MEGF6: variants seen among roughly 807,000 people sequenced by gnomAD.
MEGF6 encodes the protein multiple EGF like domains 6, also known as multiple epidermal growth factor-like domains protein 6.
In MEGF6, 184 loss-of-function variants were observed where a neutral mutation model predicts 207.1. The ratio of observed to expected loss-of-function variants is 0.89; its 90% CI spans 0.79 to 1.00. The LOEUF (loss-of-function observed/expected upper bound fraction) is 1.00, where lower values mean the gene tolerates loss of function less well. Among genes scored for constraint, MEGF6 ranks in the 50% least tolerant of loss-of-function variants. MEGF6 has a pLI of 0.00. For missense variants in MEGF6, 2,282 were observed against 2,202.9 expected (o/e 1.04, Z -0.72); for synonymous variants, 1,038 against 910.0 (o/e 1.14, Z -2.53).
At chr1:3,501,617 A>T (rs995701053) in intron 18 of MEGF6, among the ~76,000 whole-genome samples, 179 bp downstream of exon 18, 79 of 152,222 alleles carry the variant, frequency 5.2e-4, no homozygotes, top group African/African-American at 1.8e-3. Flanking sequence ...AGCCCCAGGA[A>T]CTTGGTGGGG....
chr1:3,543,070 A>G (rs1004257297), intron 4 of MEGF6, among the ~76,000 whole-genome samples: 5 of 152,208 alleles, frequency 3.3e-5, no homozygotes, highest in African/African-American at 9.6e-5. Context: ...CTGGGAGATG[A>G]GCCCACTCCG....
At chr1:3,511,715 T>C (rs1641352416) in intron 8 of MEGF6, 28 bp from the exon 9 acceptor site, 2 of 1,590,246 alleles carry the variant, frequency 1.3e-6, no homozygotes, top group Non-Finnish European at 1.7e-6. Flanking sequence ...ACCCAGGGTA[T>C]GGGATGGCGG....
At position 3,493,901 on chromosome 1, in the gene MEGF6, T is replaced by C. The variant is rs746788667; in HGVS notation, c.4259-2A>G. 3 of 1,589,294 alleles carry C rather than the reference T, an allele frequency of 1.9e-6. No homozygotes were observed. The highest frequency in any genetic ancestry group is 1.7e-6 in the Non-Finnish European group (2 of 1,168,404). ...CTCCAAATGAACCTGGCTCACACCC[T>C]GGTGGGGGCAGTGGGCTCAGTGTCC... On this transcript the variant is annotated splice_acceptor_variant, in intron 33 of 36. Transcript: ENST00000356575. LOFTEE classifies it high-confidence loss of function.
Position 3,493,861 on chromosome 1 carries a change from G to T in MEGF6, c.4297C>A (p.Arg1433Ser). 2 of 1,596,778 alleles carry T rather than the reference G, an allele frequency of 1.3e-6. No individual in the cohort carries two copies. Among genetic ancestry groups the T allele is most frequent in the Non-Finnish European group, 1.7e-6 (2 of 1,172,404 alleles). Residue 1433 changes from arginine to serine, a missense_variant, in exon 34 of 37, where the codon CGC becomes AGC. Transcript: ENST00000356575. ...GGTGCCCCCCCGTCACAGTCACAGC[G>T]CTGGTGGCAGCCCTCTCCAAATGAA... Reference protein sequence around the residue: ...PGSFGEGCHQRCDCDGGAPCD... With the variant: ...PGSFGEGCHQSCDCDGGAPCD...
At chr1:3,529,588 C>T (rs1426938335) in intron 4 of MEGF6, among the ~76,000 whole-genome samples, 13 of 152,236 alleles carry the variant, frequency 8.5e-5, no homozygotes. Context: ...CACAAGAGAA[C>T]TGTCAGCACA....
intron 4 of MEGF6, among the ~76,000 whole-genome samples, chr1:3,577,750 CCCAAGCAT>C (rs920481602): frequency 2.0e-5 from 3 of 152,198 alleles, no homozygotes; most frequent in African/African-American, 4.8e-5. Flanking sequence ...CCCCCAAGCA[CCCAAGCAT>C]GGGCATCTGA....
chr1:3,510,467 A>G (rs554627443), intron 10 of MEGF6, among the ~76,000 whole-genome samples: 41 of 148,310 alleles, frequency 2.8e-4, no homozygotes, highest in East Asian at 6.0e-4. Flanking sequence ...CAACACCCAC[A>G]GCCCTGCACG....
chr1:3,498,682 G>A lies in MEGF6; in HGVS notation c.3223+16C>T, dbSNP rs757430176. 1.3e-6 allele frequency: 2 copies of A among 1,547,348 alleles called. No individual in the cohort carries two copies. The highest frequency in any genetic ancestry group is 1.7e-6 in the Non-Finnish European group (2 of 1,147,016). On this transcript the variant is annotated intron_variant, in intron 25 of 36. Transcript: ENST00000356575. ...GCATGCTGGGGTATGTCCCTCCTCTGCCGCCCAGCGCTCACCCTTCTCACA... is the reference window on the plus strand; with the variant it reads ...GCATGCTGGGGTATGTCCCTCCTCTACCGCCCAGCGCTCACCCTTCTCACA...
chr1:3,503,162 C>G (rs1050184921), intron 17 of MEGF6, among the ~76,000 whole-genome samples: 2 of 152,122 alleles, frequency 1.3e-5, no homozygotes, highest in Admixed American at 1.3e-4. Context: ...CCCTGGTGAA[C>G]CCTTGTCACC....
At chr1:3,609,894 C>T (rs1393522520) in intron 1 of MEGF6, among the ~76,000 whole-genome samples, 1 of 152,224 alleles carries the variant, frequency 6.6e-6, no homozygotes, top group South Asian at 2.1e-4. Flanking sequence ...GGGACATCCA[C>T]CTCCGCCAAG....
At chr1:3,551,311 T>C (rs994819913) in intron 4 of MEGF6, among the ~76,000 whole-genome samples, 25 of 152,250 alleles carry the variant, frequency 1.6e-4, no homozygotes, top group African/African-American at 5.8e-4. Context: ...CCAGCATGAA[T>C]CACTCTGGGA....
At chr1:3,527,681 C>T (rs557964021) in intron 4 of MEGF6, among the ~76,000 whole-genome samples, 1 of 152,326 alleles carries the variant, frequency 6.6e-6, no homozygotes, top group Admixed American at 6.5e-5. Context: ...TGAGAGTCAG[C>T]TGGGGGCAGA....
chr1:3,559,541 AAAAAAAG>A (rs1176546825), intron 4 of MEGF6, among the ~76,000 whole-genome samples: 1 of 150,386 alleles, frequency 6.6e-6, no homozygotes, highest in African/African-American at 2.5e-5. Flanking sequence ...AAAAAAAAAA[AAAAAAAG>A]AAGAAGTCTA....
intron 3 of MEGF6, among the ~76,000 whole-genome samples, chr1:3,592,135 C>A (rs890505400): frequency 1.3e-5 from 2 of 152,188 alleles, no homozygotes; most frequent in Non-Finnish European, 2.9e-5. Context: ...CCAACAACCT[C>A]ACACAGTGGC....
intron 4 of MEGF6, among the ~76,000 whole-genome samples, chr1:3,566,997 T>C (rs1643360048): frequency 1.3e-5 from 2 of 152,208 alleles, no homozygotes; most frequent in African/African-American, 4.8e-5. Context: ...TGAGGCATAG[T>C]GAGGCCGTCC....
In MEGF6 at chr1:3,505,102, C is replaced by T. The variant is rs1035446334; in HGVS notation, c.2188+106G>A. On this transcript the variant is annotated intron_variant, in intron 17 of 36. Coordinates refer to ENST00000356575, the MANE Select transcript of MEGF6 (RefSeq NM_001409.4). ...ACCACCTGGGCTTAGGCAAAGGGGG[C>T]CGATAGTGACAGCTGTGCAGCCCTT... The T allele has an allele frequency of 8.8e-6, 13 of 1,469,728 alleles. No homozygotes were observed. The East Asian group carries it at 2.9e-4, about 33-fold the overall frequency. The allele number at this position is 1,469,728 out of a possible 1,614,324, so 91.0% of individuals were successfully genotyped here.
chr1:3,619,684 C>T, the MEGF6 span, among the ~76,000 whole-genome samples: 1 of 152,290 alleles, frequency 6.6e-6, no homozygotes, highest in South Asian at 2.1e-4. Context: ...CCTCCCCAGC[C>T]GGGTGTAATG....
chr1:3,518,917 A>G (rs1261570566), intron 5 of MEGF6, among the ~76,000 whole-genome samples: 3 of 151,964 alleles, frequency 2.0e-5, no homozygotes, highest in Non-Finnish European at 2.9e-5. Flanking sequence ...CTGCCCTCTC[A>G]ATGGGGCCTC....
intron 4 of MEGF6, among the ~76,000 whole-genome samples, chr1:3,559,671 A>G (rs1271550516): frequency 1.3e-5 from 2 of 152,130 alleles, no homozygotes; most frequent in Non-Finnish European, 2.9e-5. Flanking sequence ...CGGAAGACAC[A>G]GGAAAGGAGG....
Sources: allele counts gnomAD v4.1 joint callset (sites outside exome capture counted in the v4.1 genomes callset), GRCh38; gene constraint gnomAD v4.1.1; transcripts MANE v1.5; gene names NCBI Gene and HGNC (gene_info 2026-07-23, HGNC 2026-07-21).